The following SEPTIN7 variants were observed in gnomAD, a reference collection of about 807,000 sequenced individuals.
SEPTIN7 encodes the protein septin 7.
Under a neutral mutation model 63.3 loss-of-function variants are expected in SEPTIN7, and 10 were observed. That is an observed-to-expected ratio of 0.16 (90% confidence interval 0.10 to 0.27). The LOEUF (loss-of-function observed/expected upper bound fraction) is 0.27, where lower values mean the gene tolerates loss of function less well. Ranked by LOEUF, SEPTIN7 falls within the 10% of genes least tolerant of loss-of-function variation. The pLI is 1.00. For synonymous variants in SEPTIN7, 131 were observed against 165.3 expected, an observed-to-expected ratio of 0.79 and a Z score of 1.59; for missense variants, 310 against 521.0, an observed-to-expected ratio of 0.59 and a Z score of 3.94.
intron 1 of SEPTIN7, chr7:35,815,095 C>T (rs1788969756): frequency 2.5e-6 from 1 of 399,908 alleles, no homozygotes; most frequent in South Asian, 1.8e-5. Context: ...ATTGATAGAC[C>T]TTTCAGGTGG....
At chr7:35,887,338 G>A (rs1411011779) in intron 10 of SEPTIN7, among the ~76,000 whole-genome samples, 1 of 152,190 alleles carries the variant, frequency 6.6e-6, no homozygotes, top group African/African-American at 2.4e-5. Flanking sequence ...AGAGGGGAAA[G>A]CTAGTTACTG....
intron 7 of SEPTIN7, among the ~76,000 whole-genome samples, chr7:35,881,493 T>A (rs530550490): frequency 1.3e-5 from 2 of 151,860 alleles, no homozygotes; most frequent in African/African-American, 4.8e-5. Flanking sequence ...CAATTCCTTG[T>A]TTATTCTTTT....
intron 6 of SEPTIN7, among the ~76,000 whole-genome samples, chr7:35,878,912 G>C (rs1338654318): frequency 6.6e-6 from 1 of 152,180 alleles, no homozygotes; most frequent in East Asian, 1.9e-4. Flanking sequence ...TTGGAAGTCA[G>C]TTGACCAATT....
chr7:35,869,705 T>C (rs894752509), intron 4 of SEPTIN7, among the ~76,000 whole-genome samples: 2 of 152,218 alleles, frequency 1.3e-5, no homozygotes, highest in Non-Finnish European at 2.9e-5. Flanking sequence ...CTGGAACTCT[T>C]GTATACTGTA....
chr7:35,879,493 A>AT (rs901751997), intron 6 of SEPTIN7: 1 of 165,068 alleles, frequency 6.1e-6, no homozygotes, highest in African/African-American at 2.5e-5. Context: ...AATTAAATAA[A>AT]AAAAAAAAAA....
chr7:35,887,988 G>A (rs1438172033), intron 10 of SEPTIN7, among the ~76,000 whole-genome samples: 2 of 152,170 alleles, frequency 1.3e-5, no homozygotes, highest in African/African-American at 2.4e-5. Context: ...AAAGAGGCAA[G>A]TTCAAAGAAG....
intron 3 of SEPTIN7, among the ~76,000 whole-genome samples, chr7:35,859,620 C>G (rs1355420659): frequency 6.6e-6 from 1 of 152,142 alleles, no homozygotes; most frequent in African/African-American, 2.4e-5. Flanking sequence ...ATAGAACTGT[C>G]TGTTTCTCCC....
intron 1 of SEPTIN7, among the ~76,000 whole-genome samples, chr7:35,828,654 G>A (rs1783645191): frequency 6.6e-6 from 1 of 152,232 alleles, no homozygotes; most frequent in Admixed American, 6.5e-5. Flanking sequence ...TAGGATTACA[G>A]GCATGAGCCA....
chr7:35,875,740 G>A (rs1016790375), intron 6 of SEPTIN7, among the ~76,000 whole-genome samples: 8 of 152,114 alleles, frequency 5.3e-5, no homozygotes, highest in Non-Finnish European at 1.2e-4. Flanking sequence ...GTGTCATCCA[G>A]TGAGTTTTAT....
chr7:35,813,551 T>C (rs2115728587), intron 1 of SEPTIN7, among the ~76,000 whole-genome samples: 1 of 152,238 alleles, frequency 6.6e-6, no homozygotes, highest in African/African-American at 2.4e-5. Flanking sequence ...TTTTTTTGTA[T>C]TTTTGTAGGC....
chr7:35,863,537 C>G lies in SEPTIN7; in HGVS notation c.170-15C>G. The G allele has an allele frequency of 9.4e-6, 14 of 1,483,748 alleles. No individual in the cohort carries two copies. Among genetic ancestry groups the G allele is most frequent in the Non-Finnish European group, 1.3e-5 (14 of 1,082,108 alleles). 91.9% of individuals were successfully genotyped at this position (1,483,748 alleles called of 1,614,324 possible). A position where few individuals can be genotyped will look rare whatever the true frequency, so the allele number is the denominator to read the frequency against. On this transcript the variant is annotated splice_polypyrimidine_tract_variant and intron_variant, in intron 3 of 13. Coordinates refer to ENST00000350320, the MANE Select transcript of SEPTIN7 (RefSeq NM_001788.6). Reference sequence around the variant, plus strand: ...GTGGGTGAGTTTAACAGATATTTTCCCTTATTTCTTTTAGGTGAATCTGGA... The same window carrying G: ...GTGGGTGAGTTTAACAGATATTTTCGCTTATTTCTTTTAGGTGAATCTGGA...
intron 3 of SEPTIN7, among the ~76,000 whole-genome samples, chr7:35,848,848 A>G (rs542482543): frequency 6.6e-6 from 1 of 152,338 alleles, no homozygotes; most frequent in Non-Finnish European, 1.5e-5. Context: ...ACTGGGTTGT[A>G]TAAAGAATGC....
At chr7:35,870,302 G>A (rs1786068535) in intron 4 of SEPTIN7, among the ~76,000 whole-genome samples, 1 of 151,934 alleles carries the variant, frequency 6.6e-6, no homozygotes, top group South Asian at 2.1e-4. Context: ...TAAAAAACAG[G>A]GAAATATCTT....
intron 13 of SEPTIN7, among the ~76,000 whole-genome samples, chr7:35,903,817 G>A (rs570397917): frequency 9.9e-5 from 15 of 152,184 alleles, no homozygotes; most frequent in South Asian, 8.3e-4. Context: ...TTTCAGATTT[G>A]ACATTTGTTC....
intron 12 of SEPTIN7, 73 bp from the exon 13 acceptor site, chr7:35,903,003 G>A (rs529426011): frequency 2.0e-6 from 3 of 1,471,452 alleles, no homozygotes; most frequent in African/African-American, 2.9e-5. Flanking sequence ...TATCATTAGG[G>A]TGTCTGGATG....
chr7:35,842,450 T>C (rs1784455726), intron 3 of SEPTIN7, among the ~76,000 whole-genome samples: 1 of 152,114 alleles, frequency 6.6e-6, no homozygotes. Context: ...TATAGCCATT[T>C]AAAGCAGTGG....
chr7:35,863,817 A>AT (rs58029824), intron 4 of SEPTIN7, among the ~76,000 whole-genome samples, 159 bp downstream of exon 4: 13 of 151,274 alleles, frequency 8.6e-5, no homozygotes, highest in African/African-American at 2.9e-4. Flanking sequence ...TAAAAAAAAA[A>AT]GTACAGTTCA....
chr7:35,913,975 TATA>T, the SEPTIN7 span, among the ~76,000 whole-genome samples: 1 of 152,226 alleles, frequency 6.6e-6, no homozygotes, highest in Non-Finnish European at 1.5e-5. Context: ...CTGGGAATAA[TATA>T]ATGCCAATTT....
intron 3 of SEPTIN7, among the ~76,000 whole-genome samples, chr7:35,837,167 G>A (rs1214430465): frequency 6.6e-6 from 1 of 152,108 alleles, no homozygotes; most frequent in East Asian, 1.9e-4. Context: ...TTTCATTGCA[G>A]AAATTGGGAA....
Sources: gnomAD v4.1 joint callset for allele counts (sites outside exome capture counted in the v4.1 genomes callset) on GRCh38, gnomAD v4.1.1 for gene constraint, MANE v1.5 for transcripts, NCBI Gene and HGNC (gene_info 2026-07-23, HGNC 2026-07-21) for gene names.